The following PACRG variants were observed in gnomAD, a reference collection of about 807,000 sequenced individuals.
PACRG encodes parkin coregulated, also known as parkin coregulated gene protein.
A neutral mutation model predicts 29.7 loss-of-function variants in PACRG; 29 were observed. That is an observed-to-expected ratio of 0.98 (90% CI 0.73 to 1.33). PACRG has a LOEUF of 1.33. Ranked by LOEUF, PACRG falls within the 40% of genes most tolerant of loss-of-function variation. The pLI is 0.00. For missense variants in PACRG, 279 were observed against 316.2 expected, an observed-to-expected ratio of 0.88 and a Z score of 0.89; for synonymous variants, 116 against 118.7, an observed-to-expected ratio of 0.98 and a Z score of 0.15.
At chr6:163,056,515 A>G (rs749578105) in intron 2 of PACRG, among the ~76,000 whole-genome samples, 13 of 152,158 alleles carry the variant, frequency 8.5e-5, no homozygotes, top group Non-Finnish European at 1.2e-4. Context: ...GAAACTTTTA[A>G]CAGGGACTTA....
intron 2 of PACRG, among the ~76,000 whole-genome samples, chr6:162,963,821 A>G (rs1454253001): frequency 1.3e-5 from 2 of 151,972 alleles, no homozygotes; most frequent in Non-Finnish European, 2.9e-5. Flanking sequence ...TATTTTCACC[A>G]TTTTTATTTT....
At chr6:163,096,171 G>A (rs1337434155) in intron 4 of PACRG, among the ~76,000 whole-genome samples, 1 of 152,190 alleles carries the variant, frequency 6.6e-6, no homozygotes. Flanking sequence ...TTCTTCTTCG[G>A]TAATGCTGCA....
At chr6:163,197,823 G>A (rs890683861) in intron 4 of PACRG, among the ~76,000 whole-genome samples, 5 of 152,102 alleles carry the variant, frequency 3.3e-5, no homozygotes, top group Non-Finnish European at 7.4e-5. Context: ...GAGCAATTCA[G>A]AGCAGGGGTT....
chr6:162,917,592 C>T (rs1227792606), intron 2 of PACRG, among the ~76,000 whole-genome samples: 1 of 152,150 alleles, frequency 6.6e-6, no homozygotes, highest in East Asian at 1.9e-4. Context: ...AATCAGAATG[C>T]ATACCCCATA....
chr6:162,958,258 T>C (rs1197001430), intron 2 of PACRG, among the ~76,000 whole-genome samples: 2 of 152,180 alleles, frequency 1.3e-5, no homozygotes, highest in Admixed American at 6.5e-5. Context: ...CTCTATTTTA[T>C]GAAAAATAAT....
At chr6:163,194,018 G>A (rs760142914) in intron 4 of PACRG, among the ~76,000 whole-genome samples, 3 of 151,170 alleles carry the variant, frequency 2.0e-5, no homozygotes, top group South Asian at 2.1e-4. Context: ...TCAGCCTCCC[G>A]AGTAGCTGGG....
At chr6:162,994,535 G>A (rs931488273) in intron 2 of PACRG, among the ~76,000 whole-genome samples, 5 of 151,798 alleles carry the variant, frequency 3.3e-5, no homozygotes, top group African/African-American at 7.3e-5. Flanking sequence ...TGATCGCATC[G>A]GCTCTTGAGG....
chr6:162,857,223 G>A (rs539964325), intron 2 of PACRG, among the ~76,000 whole-genome samples: 6 of 152,110 alleles, frequency 3.9e-5, no homozygotes, highest in Admixed American at 1.3e-4. Context: ...TCTTTTCCAC[G>A]CACACTTGCT....
intron 2 of PACRG, among the ~76,000 whole-genome samples, chr6:162,981,192 C>T (rs1584929505): frequency 1.3e-5 from 2 of 151,802 alleles, no homozygotes; most frequent in African/African-American, 4.8e-5. Flanking sequence ...CAATTCTATC[C>T]AGGTTGCTGC....
At chr6:162,789,615 T>C (rs1394291132) in intron 1 of PACRG, among the ~76,000 whole-genome samples, 1 of 152,202 alleles carries the variant, frequency 6.6e-6, no homozygotes, top group Admixed American at 6.5e-5. Flanking sequence ...TATATTTAGC[T>C]ATTTGAGATT....
At chr6:162,998,967 T>A (rs918073665) in intron 2 of PACRG, among the ~76,000 whole-genome samples, 1 of 152,194 alleles carries the variant, frequency 6.6e-6, no homozygotes. Flanking sequence ...GGCTGCCAAC[T>A]GTACTTTGTA....
chr6:162,869,133 A>C (rs938898814), intron 2 of PACRG, among the ~76,000 whole-genome samples: 1 of 152,202 alleles, frequency 6.6e-6, no homozygotes, highest in Admixed American at 6.5e-5. Flanking sequence ...ACTGAATAGC[A>C]GCAAAGGCAA....
At chr6:163,062,017 G>T in intron 2 of PACRG, 133 bp from the exon 3 acceptor site, 1 of 801,484 alleles carries the variant, frequency 1.2e-6, no homozygotes. Context: ...TCATTAGGGG[G>T]ATGGGTTAAG....
At chr6:162,766,796 G>T (rs1242145947) in intron 1 of PACRG, among the ~76,000 whole-genome samples, 3 of 151,980 alleles carry the variant, frequency 2.0e-5, no homozygotes, top group African/African-American at 7.2e-5. Context: ...ATCTATCTGT[G>T]ATAGAAATTA....
chr6:163,040,440 T>C (rs1342360946), intron 2 of PACRG, among the ~76,000 whole-genome samples: 2 of 152,188 alleles, frequency 1.3e-5, no homozygotes, highest in African/African-American at 4.8e-5. Flanking sequence ...CACTGCCTAG[T>C]GGAGTTGTCA....
At chr6:162,830,554 C>T (rs1788675329) in intron 2 of PACRG, among the ~76,000 whole-genome samples, 1 of 152,230 alleles carries the variant, frequency 6.6e-6, no homozygotes, top group Non-Finnish European at 1.5e-5. Flanking sequence ...GATGTTTCTC[C>T]AGAGCTCAAT....
intron 2 of PACRG, among the ~76,000 whole-genome samples, chr6:162,829,617 G>A (rs533990510): frequency 1.2e-4 from 19 of 152,252 alleles, no homozygotes; most frequent in Admixed American, 3.3e-4. Context: ...TGGTGGGACC[G>A]TAAGATTATA....
intron 4 of PACRG, among the ~76,000 whole-genome samples, chr6:163,217,514 G>A (rs1391025784): frequency 6.6e-6 from 1 of 152,232 alleles, no homozygotes; most frequent in African/African-American, 2.4e-5. Flanking sequence ...TACCCCGAGG[G>A]TAGGGGTTCC....
chr6:163,054,347 G>T (rs1376018901), intron 2 of PACRG, among the ~76,000 whole-genome samples: 1 of 152,148 alleles, frequency 6.6e-6, no homozygotes, highest in Non-Finnish European at 1.5e-5. Context: ...TTGAGAAGGT[G>T]ACTGTCTACA....
Sources: allele counts gnomAD v4.1 joint callset (sites outside exome capture counted in the v4.1 genomes callset), GRCh38; gene constraint gnomAD v4.1.1; transcripts MANE v1.5; gene names NCBI Gene and HGNC (gene_info 2026-07-23, HGNC 2026-07-21).